CLEC4A: variants seen among roughly 807,000 people sequenced by gnomAD.
The protein encoded by CLEC4A is C-type lectin domain family 4 member A.
A neutral mutation model predicts 32.7 loss-of-function variants in CLEC4A; 27 were observed. The ratio of observed to expected loss-of-function variants is 0.83; its 90% CI spans 0.61 to 1.14. CLEC4A has a LOEUF of 1.14. Among genes scored for constraint, CLEC4A ranks in the 50% most tolerant of loss-of-function variants. CLEC4A has a pLI of 0.00. For synonymous variants in CLEC4A, 89 were observed against 93.7 expected (o/e 0.95, Z 0.29); for missense variants, 253 against 274.6 (o/e 0.92, Z 0.55).
intron 2 of CLEC4A, among the ~76,000 whole-genome samples, chr12:8,126,532 A>C (rs1346379501): frequency 2.0e-5 from 3 of 152,094 alleles, no homozygotes; most frequent in African/African-American, 7.2e-5. Flanking sequence ...AAATTTTTAA[A>C]AGGCATAAAA....
At chr12:8,125,058 G>T (rs984392242) in intron 1 of CLEC4A, among the ~76,000 whole-genome samples, 1 of 152,098 alleles carries the variant, frequency 6.6e-6, no homozygotes, top group Non-Finnish European at 1.5e-5. Context: ...GATGAGGAAT[G>T]ATTATAAAGA....
rs757132340 is a variant in CLEC4A, at chr12:8,123,856, A to G, written c.-23A>G. ...AAGATCTGAAACAGATTTTCTGAAG[A>G]AAGCAGAAGCTCTCTTCCCATTATG... On this transcript the variant is annotated 5_prime_UTR_variant, in exon 1 of 6. Coordinates refer to ENST00000229332, the MANE Select transcript of CLEC4A (RefSeq NM_016184.4). 1.9e-6 allele frequency: 3 copies of G among 1,543,462 alleles called. No homozygotes were observed. In the Admixed American group the frequency reaches 5.1e-5, roughly 26 times the overall value.
chr12:8,134,979 G>GTTTGTTT lies in CLEC4A; in HGVS notation c.299-603_299-602insGTTTTTT, dbSNP rs1948073595. 6.9e-4 allele frequency: 115 copies of GTTTGTTT among 165,818 alleles called. 7 individuals carry two copies. Among genetic ancestry groups the GTTTGTTT allele is most frequent in the African/African-American group, 2.2e-3 (31 of 13,812 alleles). The allele number at this position is 165,818 out of a possible 1,614,324, so 10.3% of individuals were successfully genotyped here. A position where few individuals can be genotyped will look rare whatever the true frequency, so the allele number is the denominator to read the frequency against. ...TGTATCTTCTTGTTGAAGCGTTTTT[G>GTTTGTTT]TTTTTTGTTTTTTTTTAATCATGGC... On this transcript the variant is annotated intron_variant, in intron 3 of 5. Transcript: ENST00000229332.
chr12:8,134,797 C>T (rs1272790176), intron 3 of CLEC4A: 3 of 1,551,518 alleles, frequency 1.9e-6, no homozygotes, highest in Admixed American at 2.0e-5. Context: ...GGCCCATCAC[C>T]TCCACCGCCT....
chr12:8,137,369 C>G (rs865778047), intron 5 of CLEC4A, among the ~76,000 whole-genome samples: 1 of 152,014 alleles, frequency 6.6e-6, no homozygotes, highest in Non-Finnish European at 1.5e-5. Flanking sequence ...GCCTTGAATT[C>G]CTGGGCTCAA....
At chr12:8,135,198 T>A (rs1473716372) in intron 3 of CLEC4A, among the ~76,000 whole-genome samples, 1 of 151,018 alleles carries the variant, frequency 6.6e-6, no homozygotes, top group Non-Finnish European at 1.5e-5. Flanking sequence ...ATTTTTGTTG[T>A]CTTGATTGTA....
At chr12:8,138,118 T>A (rs1393352474) in intron 5 of CLEC4A, 22 bp from the exon 6 acceptor site, 2 of 1,610,956 alleles carry the variant, frequency 1.2e-6, no homozygotes, top group Non-Finnish European at 1.7e-6. Context: ...AGAAATGCCC[T>A]CATCCTTTTT....
the CLEC4A span, among the ~76,000 whole-genome samples, chr12:8,106,953 G>C: frequency 6.6e-6 from 1 of 152,160 alleles, no homozygotes; most frequent in African/African-American, 2.4e-5. Flanking sequence ...TCTTGTTCCA[G>C]TTCTCAAGGA....
intron 2 of CLEC4A, among the ~76,000 whole-genome samples, chr12:8,126,038 G>A (rs912194139): frequency 4.6e-5 from 7 of 152,192 alleles, no homozygotes; most frequent in African/African-American, 1.7e-4. Flanking sequence ...TGAATGCACA[G>A]ACATTTATGT....
the CLEC4A span, among the ~76,000 whole-genome samples, chr12:8,103,489 C>T: frequency 6.9e-6 from 1 of 145,694 alleles, no homozygotes; most frequent in Non-Finnish European, 1.5e-5. Flanking sequence ...CGGCTTCACA[C>T]CGGCTTCTGC....
intron 5 of CLEC4A, among the ~76,000 whole-genome samples, chr12:8,137,529 C>A (rs775415617): frequency 2.0e-5 from 3 of 152,202 alleles, no homozygotes; most frequent in Admixed American, 1.3e-4. Context: ...TCTTTAATTG[C>A]ATAAATTACA....
At chr12:8,120,816 A>C (rs963534923), upstream of CLEC4A, 3 of 152,172 alleles carry the variant, frequency 2.0e-5, no homozygotes, top group Admixed American at 1.3e-4. Context: ...TTGTTTCCAA[A>C]TGTCTGTGTT....
In CLEC4A at chr12:8,131,430, G is replaced by A. The variant is rs138209394; in HGVS notation, c.298+2068G>A. 4.2e-4 allele frequency among the ~76,000 whole-genome samples: 64 copies of A among 152,324 alleles called. 1 individual carries two copies. The Middle Eastern group carries it at 0.01, about 24-fold the overall frequency. On this transcript the variant is annotated intron_variant, in intron 3 of 5. Transcript: ENST00000229332. ...AGTTTGAGTCCAAAGACCATCTGCT[G>A]CAGAACCTTGAAGAGCCAGTGCTGC...
intron 3 of CLEC4A, chr12:8,133,648 T>G: frequency 1.5e-6 from 2 of 1,299,148 alleles, no homozygotes; most frequent in Non-Finnish European, 2.1e-6. Context: ...CCACCCTTTG[T>G]GTTCCCAATT....
the CLEC4A span, among the ~76,000 whole-genome samples, chr12:8,117,867 A>G: frequency 6.6e-6 from 1 of 152,192 alleles, no homozygotes; most frequent in Non-Finnish European, 1.5e-5. Flanking sequence ...AAAAAGAATG[A>G]CAACCATTAC....
intron 5 of CLEC4A, among the ~76,000 whole-genome samples, chr12:8,137,531 T>G (rs1355693927): frequency 6.6e-6 from 1 of 152,224 alleles, no homozygotes; most frequent in Non-Finnish European, 1.5e-5. Context: ...TTTAATTGCA[T>G]AAATTACATA....
intron 3 of CLEC4A, among the ~76,000 whole-genome samples, chr12:8,129,998 G>A (rs1051077285): frequency 1.3e-5 from 2 of 152,052 alleles, no homozygotes; most frequent in African/African-American, 4.8e-5. Context: ...ACTACACTCA[G>A]CTAATTTTTG....
intron 4 of CLEC4A, 132 bp from the exon 5 acceptor site, chr12:8,136,656 C>A: frequency 1.7e-6 from 1 of 571,466 alleles, no homozygotes; most frequent in South Asian, 2.2e-5. Context: ...GCCAGAGATC[C>A]CCATTCCTAC....
At chr12:8,103,735 A>AT in the CLEC4A span, among the ~76,000 whole-genome samples, 1 of 151,906 alleles carries the variant, frequency 6.6e-6, no homozygotes, top group Non-Finnish European at 1.5e-5. Context: ...CTAAATTAAA[A>AT]TTTTTTCTGC....
Sources: allele counts gnomAD v4.1 joint callset (sites outside exome capture counted in the v4.1 genomes callset), GRCh38; gene constraint gnomAD v4.1.1; transcripts MANE v1.5; gene names NCBI Gene and HGNC (gene_info 2026-07-23, HGNC 2026-07-21).